Variants in UNC80 observed in about 807,000 individuals in gnomAD.
UNC80 encodes protein unc-80 homolog.
A neutral mutation model predicts 384.6 loss-of-function variants in UNC80; 164 were observed. The observed-to-expected ratio is 0.43, with a 90% CI of 0.38 to 0.49. The LOEUF is 0.49. Ranked by LOEUF, UNC80 falls within the 20% of genes least tolerant of loss-of-function variation. UNC80 has a pLI of 0.00. For synonymous variants in UNC80, 1,486 were observed against 1,527.8 expected, an observed-to-expected ratio of 0.97 and a Z score of 0.64; for missense variants, 3,330 against 4,143.0, an observed-to-expected ratio of 0.80 and a Z score of 5.39.
intron 16 of UNC80, among the ~76,000 whole-genome samples, 188 bp downstream of exon 16, chr2:209,831,779 T>C (rs1015447038): frequency 6.6e-6 from 1 of 152,344 alleles, no homozygotes; most frequent in East Asian, 1.9e-4. Context: ...TTCTCCTTGT[T>C]ACTCATTATC....
chr2:209,959,808 C>T, intron 51 of UNC80, 101 bp downstream of exon 51: 4 of 1,081,952 alleles, frequency 3.7e-6, no homozygotes, highest in Non-Finnish European at 5.3e-6. Context: ...AGGAAAAACT[C>T]TTAATATAGA....
At chr2:209,933,584 C>T (rs2091044369) in intron 38 of UNC80, among the ~76,000 whole-genome samples, 1 of 151,658 alleles carries the variant, frequency 6.6e-6, no homozygotes, top group Non-Finnish European at 1.5e-5. Flanking sequence ...GGGGAATGAT[C>T]TGCTTTTTTC....
intron 1 of UNC80, 47 bp downstream of exon 1, chr2:209,772,211 G>C: frequency 1.6e-6 from 2 of 1,215,000 alleles, no homozygotes; most frequent in Non-Finnish European, 2.1e-6. Flanking sequence ...GGCTGGGGGC[G>C]CTCCTGGGGC....
intron 4 of UNC80, 132 bp from the exon 5 acceptor site, chr2:209,785,934 T>C: frequency 1.0e-6 from 1 of 999,126 alleles, no homozygotes; most frequent in Non-Finnish European, 1.4e-6. Context: ...ATCTGACTAA[T>C]GAGAGAAGGT....
rs1412341448 is a variant in UNC80 at position 209,771,956 on chromosome 2, C to G, written c.-117C>G. On this transcript the variant is annotated 5_prime_UTR_variant, in exon 1 of 65. Transcript: ENST00000673920. Reference sequence around the variant, plus strand: ...CACGGGGGATCAGGGCGGAGAGAGCCGGCTCTGCCTCGGGGAAGGAGGGGA... The same window carrying G: ...CACGGGGGATCAGGGCGGAGAGAGCGGGCTCTGCCTCGGGGAAGGAGGGGA... 1.4e-6 allele frequency: 1 copy of G among 737,390 alleles called. No homozygotes were observed. Among genetic ancestry groups the G allele is most frequent in the Non-Finnish European group, 2.4e-6 (1 of 418,304 alleles). The allele number at this position is 737,390 out of a possible 1,614,324, so 45.7% of individuals were successfully genotyped here.
In UNC80 at chr2:209,982,086, C is replaced by G. The variant is rs568822166; in HGVS notation, c.9119-93C>G. 1.7e-5 allele frequency: 23 copies of G among 1,329,150 alleles called. No homozygotes were observed. In the East Asian group the frequency reaches 4.6e-4, roughly 27 times the overall value. The allele number at this position is 1,329,150 out of a possible 1,614,324, so 82.3% of individuals were successfully genotyped here. A position where few individuals can be genotyped will look rare whatever the true frequency, so the allele number is the denominator to read the frequency against. On this transcript the variant is annotated intron_variant, in intron 59 of 64. Coordinates refer to ENST00000673920, the MANE Select transcript of UNC80 (RefSeq NM_001371986.1). ...TTTACACACAGCCCTAAGTTGTACA[C>G]AAGCCAAGGACAGAACCCAAGTACA...
chr2:209,842,055 A>G (rs1052592138), intron 20 of UNC80, among the ~76,000 whole-genome samples: 2 of 152,176 alleles, frequency 1.3e-5, no homozygotes, highest in Non-Finnish European at 2.9e-5. Flanking sequence ...CATTAATTTC[A>G]GTTTGGACTT....
At position 209,817,135 on chromosome 2, in the gene UNC80, A is replaced by G. The variant is rs780164293; in HGVS notation, c.1552+10A>G. ...CAAACCACCATTTTAGGTGACCACA[A>G]GGCCTTCCAAAATAGGGCAGAGTTT... On this transcript the variant is annotated intron_variant, in intron 10 of 64. Transcript: ENST00000673920. 1 of 1,550,882 alleles carries G rather than the reference A, an allele frequency of 6.4e-7. No homozygotes were observed. Among genetic ancestry groups the G allele is most frequent in the Non-Finnish European group, 8.7e-7 (1 of 1,146,760 alleles).
chr2:209,878,207 C>A, intron 24 of UNC80, 118 bp downstream of exon 24: 1 of 1,066,484 alleles, frequency 9.4e-7, no homozygotes, highest in Non-Finnish European at 1.3e-6. Flanking sequence ...CTTTCCACTG[C>A]TCCTTCTCCC....
rs1247219835 is a variant in UNC80, at chr2:209,819,106, G to T, written c.1807G>T (p.Val603Leu). 1.3e-6 allele frequency: 2 copies of T among 1,552,020 alleles called. No individual in the cohort carries two copies. Among genetic ancestry groups the T allele is most frequent in the Admixed American group, 2.0e-5 (1 of 50,982 alleles). The change falls in exon 12 of 65, where the codon GTG becomes TTG. Residue 603 changes from valine (V) to leucine (L), a missense_variant. Coordinates refer to ENST00000673920, the MANE Select transcript of UNC80 (RefSeq NM_001371986.1). ...GCATATGAGGAAACTCTGCAACCAG[G>T]TGCCTATCCCGGAGATGCCACATGA... ...NEHMRKLCNQ[V>L]PIPEMPHEPL...
intron 28 of UNC80, 34 bp downstream of exon 28, chr2:209,896,447 A>G: frequency 1.3e-6 from 2 of 1,514,286 alleles, no homozygotes; most frequent in South Asian, 1.2e-5. Context: ...CCCTGAGATC[A>G]ATTTCTTTTG....
In UNC80 at chr2:209,875,280, T is replaced by C. The variant is rs1013212893; in HGVS notation, c.3840+2310T>C. ...TTAAAATGCTTTCAGTGGCCCTCCTTTTCCCTCAGGATAAAACCCAAACTG... is the reference window on the plus strand; with the variant it reads ...TTAAAATGCTTTCAGTGGCCCTCCTCTTCCCTCAGGATAAAACCCAAACTG... On this transcript the variant is annotated intron_variant, in intron 23 of 64. Transcript: ENST00000673920. Among the ~76,000 whole-genome samples, 3 of 152,164 alleles carry C rather than the reference T, an allele frequency of 2.0e-5. No individual in the cohort carries two copies. The East Asian group carries it at 5.8e-4, about 29-fold the overall frequency.
At chr2:209,965,488 C>T (rs1553616927) in intron 51 of UNC80, among the ~76,000 whole-genome samples, 1 of 149,916 alleles carries the variant, frequency 6.7e-6, no homozygotes, top group Non-Finnish European at 1.5e-5. Context: ...TTTTTTTAGA[C>T]AGAGTCTTGC....
intron 21 of UNC80, among the ~76,000 whole-genome samples, chr2:209,847,121 C>T (rs1354330970): frequency 2.0e-5 from 3 of 151,876 alleles, no homozygotes; most frequent in Non-Finnish European, 4.4e-5. Context: ...TATAACTGTC[C>T]ATTGTATAAA....
chr2:209,857,272 C>T (rs775527993), intron 22 of UNC80, among the ~76,000 whole-genome samples: 5 of 152,090 alleles, frequency 3.3e-5, no homozygotes, highest in African/African-American at 4.8e-5. Context: ...ATTGAGTCCA[C>T]GGATATATTT....
At chr2:209,879,180 A>T (rs1013638455) in intron 24 of UNC80, among the ~76,000 whole-genome samples, 1 of 152,166 alleles carries the variant, frequency 6.6e-6, no homozygotes, top group African/African-American at 2.4e-5. Flanking sequence ...GGCCCCAAAG[A>T]TATCTAAAGT....
At position 209,930,038 on chromosome 2, in the gene UNC80, A is replaced by T. The variant is rs915587149; in HGVS notation, c.5907+67A>T. The T allele has an allele frequency of 2.6e-6, 3 of 1,152,444 alleles. No individual in the cohort carries two copies. In the Admixed American group the frequency reaches 9.5e-5, roughly 37 times the overall value. 71.4% of individuals were successfully genotyped at this position (1,152,444 alleles called of 1,614,324 possible). On this transcript the variant is annotated intron_variant, in intron 37 of 64. Coordinates refer to ENST00000673920, the MANE Select transcript of UNC80 (RefSeq NM_001371986.1). The stretch of plus-strand genomic sequence containing the variant: ...GTGTGAACACTGTTAAAATCATGCA[A>T]AGAACTTTATAGTGCAGTGCATGCA...
intron 51 of UNC80, 27 bp from the exon 52 acceptor site, chr2:209,967,410 A>G: frequency 7.1e-7 from 1 of 1,404,116 alleles, no homozygotes; most frequent in Non-Finnish European, 9.3e-7. Flanking sequence ...ATACTTTAAA[A>G]TATATATACA....
chr2:209,942,352 A>G (rs1004422073), intron 44 of UNC80, among the ~76,000 whole-genome samples: 1 of 152,198 alleles, frequency 6.6e-6, no homozygotes, highest in South Asian at 2.1e-4. Flanking sequence ...AGTCACATGT[A>G]TGGCAAGTGT....
Sources: gnomAD v4.1 joint callset for allele counts (sites outside exome capture counted in the v4.1 genomes callset) on GRCh38, gnomAD v4.1.1 for gene constraint, MANE v1.5 for transcripts, NCBI Gene and HGNC (gene_info 2026-07-23, HGNC 2026-07-21) for gene names.